The following ZNF611 variants were observed in gnomAD, a reference collection of about 807,000 sequenced individuals.
ZNF611 encodes zinc finger protein 611.
Under a neutral mutation model 8.9 loss-of-function variants are expected in ZNF611, and 6 were observed. The observed-to-expected ratio is 0.68, with a 90% CI of 0.37 to 1.34. The LOEUF (loss-of-function observed/expected upper bound fraction) is 1.34, where lower values mean the gene tolerates loss of function less well. Among genes scored for constraint, ZNF611 ranks in the 40% most tolerant of loss-of-function variants. The pLI, the probability that ZNF611 is intolerant of heterozygous loss-of-function variation, is 0.02. For synonymous variants in ZNF611, 262 were observed against 279.7 expected (o/e 0.94, Z 0.63); for missense variants, 874 against 841.3 (o/e 1.04, Z -0.48).
intron 2 of ZNF611, among the ~76,000 whole-genome samples, chr19:52,729,350 A>T (rs2062410512): frequency 6.6e-6 from 1 of 152,014 alleles, no homozygotes; most frequent in Non-Finnish European, 1.5e-5. Context: ...AAAATTAGCC[A>T]GGCATGGTGG....
In ZNF611 at chr19:52,704,548, C is replaced by T. The variant is rs989074103; in HGVS notation, c.*389G>A. The T allele has an allele frequency of 2.5e-5, 33 of 1,341,172 alleles. No homozygotes were observed. The African/African-American group carries it at 2.9e-4, about 12-fold the overall frequency. The allele number at this position is 1,341,172 out of a possible 1,614,324, so 83.1% of individuals were successfully genotyped here. A position where few individuals can be genotyped will look rare whatever the true frequency, so the allele number is the denominator to read the frequency against. ...AGGTTTCTCTCCAGTATGAGTTCAC[C>T]GATGACCTGCAATATGTGAACGATC... On this transcript the variant is annotated 3_prime_UTR_variant, in exon 6 of 6. Transcript: ENST00000652185.
chr19:52,730,293 G>A, intron 1 of ZNF611, among the ~76,000 whole-genome samples: 1 of 149,704 alleles, frequency 6.7e-6, no homozygotes. Context: ...TCGGGAGGCT[G>A]AGGCAGGAGA....
intron 3 of ZNF611, among the ~76,000 whole-genome samples, chr19:52,725,763 G>A (rs532036126): frequency 2.5e-4 from 38 of 152,190 alleles, no homozygotes; most frequent in Non-Finnish European, 2.8e-4. Context: ...CCACTTCCGG[G>A]TTTGCTGCGC....
chr19:52,721,884 C>T (rs2062362469), intron 3 of ZNF611, among the ~76,000 whole-genome samples: 1 of 152,102 alleles, frequency 6.6e-6, no homozygotes, highest in South Asian at 2.1e-4. Flanking sequence ...CCTGCCTCAG[C>T]CTCCTAATCC....
In ZNF611 at chr19:52,704,568, A is replaced by G; in HGVS notation, c.*369T>C. The G allele has an allele frequency of 6.7e-7, 1 of 1,483,756 alleles. No individual in the cohort carries two copies. 91.9% of individuals were successfully genotyped at this position (1,483,756 alleles called of 1,614,324 possible). A position where few individuals can be genotyped will look rare whatever the true frequency, so the allele number is the denominator to read the frequency against. Reference sequence around the variant, plus strand: ...TTCACCGATGACCTGCAATATGTGAACGATCTCTGAAAAATTTGCCACATT... The same window carrying G: ...TTCACCGATGACCTGCAATATGTGAGCGATCTCTGAAAAATTTGCCACATT... On this transcript the variant is annotated 3_prime_UTR_variant, in exon 6 of 6. Coordinates refer to ENST00000652185, the MANE Select transcript of ZNF611 (RefSeq NM_001161499.2).
chr19:52,734,060 T>C (rs931512023), intron 1 of ZNF611, among the ~76,000 whole-genome samples: 8 of 151,910 alleles, frequency 5.3e-5, no homozygotes, highest in African/African-American at 1.9e-4. Flanking sequence ...CTTCCCTCTC[T>C]CCCTCACTCT....
In ZNF611 at chr19:52,705,831, C is replaced by T. The variant is rs139235209; in HGVS notation, c.1224G>A (p.Thr408=). Residue 408 remains threonine (T), a synonymous_variant, in exon 6 of 6, where the codon ACG becomes ACA. Transcript: ENST00000652185. ...YRCKVCDTAF[T]WHSQLARHRR... ...TATGTCGAGCCAGCTGTGAATGCCACGTGAAAGCTGTGTCACAAACCTTAC... is the reference window on the plus strand; with the variant it reads ...TATGTCGAGCCAGCTGTGAATGCCATGTGAAAGCTGTGTCACAAACCTTAC... 20 of 1,613,758 alleles carry T rather than the reference C, an allele frequency of 1.2e-5. No individual in the cohort carries two copies. Among genetic ancestry groups the T allele is most frequent in the South Asian group, 8.8e-5 (8 of 91,058 alleles).
rs140921988 is a variant in ZNF611 at position 52,712,254 on chromosome 19, G to A, written c.190+1761C>T. 2.7e-3 allele frequency among the ~76,000 whole-genome samples: 417 copies of A among 152,044 alleles called. 2 individuals are homozygous for A. Among genetic ancestry groups the A allele is most frequent in the African/African-American group, 9.6e-3 (398 of 41,468 alleles). On this transcript the variant is annotated intron_variant, in intron 5 of 5. Coordinates refer to ENST00000652185, the MANE Select transcript of ZNF611 (RefSeq NM_001161499.2). ...ACAACTAAACTCCATGAAGAGTACA[G>A]TAGAGCAATGTAGGAGACCATGGGG...
intron 5 of ZNF611, among the ~76,000 whole-genome samples, chr19:52,713,682 G>A (rs1287566424): frequency 1.2e-4 from 18 of 152,136 alleles, no homozygotes; most frequent in Non-Finnish European, 2.1e-4. Flanking sequence ...ACCTGAGGTC[G>A]GGAGTTAGAG....
In ZNF611 at chr19:52,713,579, G is replaced by T. The variant is rs533844258; in HGVS notation, c.190+436C>A. ...CATTGTCACAGTGCCAGTGAGAGAC[G>T]CTTCTGTGATGCTCCTCAAAAACCA... On this transcript the variant is annotated intron_variant, in intron 5 of 5. Transcript: ENST00000652185. 6.6e-5 allele frequency among the ~76,000 whole-genome samples: 10 copies of T among 152,240 alleles called. No homozygotes were observed. The South Asian group carries it at 2.1e-3, about 32-fold the overall frequency.
intron 3 of ZNF611, among the ~76,000 whole-genome samples, chr19:52,718,605 C>A (rs953147721): frequency 6.6e-6 from 1 of 151,424 alleles, no homozygotes; most frequent in East Asian, 2.0e-4. Flanking sequence ...TCAAGACCAG[C>A]CTGACCAAGA....
rs375716110 is a variant in ZNF611, at chr19:52,714,037, G to A, written c.168C>T (p.Asn56=). 6 of 1,614,022 alleles carry A rather than the reference G, an allele frequency of 3.7e-6. No individual in the cohort carries two copies. The African/African-American group carries it at 8.0e-5, about 22-fold the overall frequency. The change falls in exon 5 of 6, where the codon AAC becomes AAT. Residue 56 remains asparagine, a synonymous_variant. Coordinates refer to ENST00000652185, the MANE Select transcript of ZNF611 (RefSeq NM_001161499.2). ...CACCCACAGCCTCCAGGTTCCTGTA[G>A]TTCTCCAACATCACTTCCCTGTACA... ...RALYREVMLE[N]YRNLEAVDIS... is the part of the protein sequence containing the mutation.
At chr19:52,710,210 C>T (rs142579638) in intron 5 of ZNF611, among the ~76,000 whole-genome samples, 1,843 of 151,938 alleles carry the variant, frequency 0.012, 34 homozygotes, top group African/African-American at 0.042. Flanking sequence ...CAGACACATG[C>T]CACCATGCCT....
Sources: gnomAD v4.1 joint callset for allele counts (sites outside exome capture counted in the v4.1 genomes callset) on GRCh38, gnomAD v4.1.1 for gene constraint, MANE v1.5 for transcripts, NCBI Gene and HGNC (gene_info 2026-07-23, HGNC 2026-07-21) for gene names.